Variants in RBFOX1 observed in about 807,000 individuals in gnomAD.
The protein encoded by RBFOX1 is RNA binding protein fox-1 homolog 1.
A neutral mutation model predicts 57.7 loss-of-function variants in RBFOX1; 8 were observed. The ratio of observed to expected loss-of-function variants is 0.14; its 90% CI spans 0.08 to 0.25. The LOEUF is 0.25. Among genes scored for constraint, RBFOX1 ranks in the 10% least tolerant of loss-of-function variants. The pLI is 1.00. For synonymous variants in RBFOX1, 326 were observed against 222.4 expected (o/e 1.47, Z -4.15); for missense variants, 611 against 548.5 (o/e 1.11, Z -1.14).
Position 6,331,669 on chromosome 16 carries a change from A to T in RBFOX1, c.-64+14612A>T, listed in dbSNP as rs370007907. On this transcript the variant is annotated intron_variant, in intron 2 of 15. Transcript: ENST00000550418. The stretch of plus-strand genomic sequence containing the variant: ...TTCTGTTTTCTATTCAGTGTTGCAT[A>T]AATCTCAACCATTTGCTCAATTCTC... 1.8e-4 allele frequency among the ~76,000 whole-genome samples: 27 copies of T among 151,766 alleles called. No individual in the cohort carries two copies. In the East Asian group the frequency reaches 3.5e-3, roughly 20 times the overall value.
chr16:6,388,663 C>G (rs1002774407), intron 2 of RBFOX1, among the ~76,000 whole-genome samples: 13 of 152,078 alleles, frequency 8.5e-5, no homozygotes, highest in African/African-American at 3.1e-4. Flanking sequence ...TTGCTTGAAC[C>G]TAGGAGTTTG....
At chr16:5,731,071 C>G (rs535838774) in intron 3 of RBFOX1, among the ~76,000 whole-genome samples, 1 of 151,780 alleles carries the variant, frequency 6.6e-6, no homozygotes, top group South Asian at 2.1e-4. Flanking sequence ...AATGTAAGCA[C>G]CATCACCATC....
intron 1 of RBFOX1, among the ~76,000 whole-genome samples, chr16:6,034,490 T>G (rs2095338130): frequency 6.6e-6 from 1 of 152,000 alleles, no homozygotes; most frequent in Non-Finnish European, 1.5e-5. Flanking sequence ...AAGATGGTGC[T>G]TCCTGGCTGC....
At chr16:6,434,160 A>C (rs1023024855) in intron 2 of RBFOX1, among the ~76,000 whole-genome samples, 1 of 152,002 alleles carries the variant, frequency 6.6e-6, no homozygotes, top group African/African-American at 2.4e-5. Flanking sequence ...TTCTAAGGGC[A>C]CTTGTGATAA....
chr16:6,913,898 A>T (rs986742696), intron 3 of RBFOX1, among the ~76,000 whole-genome samples: 4 of 152,222 alleles, frequency 2.6e-5, no homozygotes, highest in Non-Finnish European at 5.9e-5. Context: ...CAACTGTGTA[A>T]CTTTTATAAA....
intron 1 of RBFOX1, among the ~76,000 whole-genome samples, chr16:5,315,479 G>T (rs1261169980): frequency 1.3e-5 from 2 of 152,144 alleles, no homozygotes; most frequent in African/African-American, 2.4e-5. Flanking sequence ...GCAGCTCCCG[G>T]GGAACGGGGT....
At chr16:6,710,940 G>T (rs2063603978) in intron 3 of RBFOX1, among the ~76,000 whole-genome samples, 1 of 152,196 alleles carries the variant, frequency 6.6e-6, no homozygotes, top group South Asian at 2.1e-4. Flanking sequence ...GCAAATCCAT[G>T]AAGGCTACAT....
intron 2 of RBFOX1, among the ~76,000 whole-genome samples, chr16:6,340,300 C>T (rs1410608983): frequency 6.6e-6 from 1 of 152,046 alleles, no homozygotes; most frequent in Non-Finnish European, 1.5e-5. Context: ...CACTCATGAC[C>T]TAAATTAGTT....
chr16:5,860,534 G>A (rs140227131), intron 3 of RBFOX1, among the ~76,000 whole-genome samples: 69 of 152,238 alleles, frequency 4.5e-4, no homozygotes, highest in Admixed American at 3.1e-3. Context: ...CTGTGTAGAG[G>A]AGAAGGGGAA....
At chr16:6,185,340 GCT>G (rs2097098343) in intron 1 of RBFOX1, among the ~76,000 whole-genome samples, 1 of 152,026 alleles carries the variant, frequency 6.6e-6, no homozygotes, top group Admixed American at 6.6e-5. Context: ...TTCCAACAAG[GCT>G]TCCCTCCTGC....
At chr16:6,521,883 T>C (rs1333946645) in intron 2 of RBFOX1, among the ~76,000 whole-genome samples, 1 of 152,098 alleles carries the variant, frequency 6.6e-6, no homozygotes, top group Non-Finnish European at 1.5e-5. Flanking sequence ...CACTGGCCCA[T>C]TTTAATCTGT....
chr16:6,230,499 G>A (rs1393932194), intron 1 of RBFOX1, among the ~76,000 whole-genome samples: 1 of 152,130 alleles, frequency 6.6e-6, no homozygotes, highest in East Asian at 1.9e-4. Flanking sequence ...ATTAGTCAGT[G>A]TCTGCTGCAT....
intron 1 of RBFOX1, among the ~76,000 whole-genome samples, chr16:6,149,229 G>A (rs972880700): frequency 3.9e-5 from 6 of 152,344 alleles, no homozygotes; most frequent in South Asian, 2.1e-4. Context: ...GTGCGCGCGC[G>A]TGCGCGGATG....
chr16:7,423,122 AG>A (rs1370522580), intron 4 of RBFOX1: 7 of 148,798 alleles, frequency 4.7e-5, no homozygotes, highest in African/African-American at 1.5e-4. Context: ...AGAGAGAGAG[AG>A]AGAGAGAATA....
At chr16:6,966,097 C>G (rs1367706646) in intron 3 of RBFOX1, among the ~76,000 whole-genome samples, 1 of 152,126 alleles carries the variant, frequency 6.6e-6, no homozygotes, top group Non-Finnish European at 1.5e-5. Flanking sequence ...TCACGGGGTT[C>G]TCAACCATAG....
intron 3 of RBFOX1, among the ~76,000 whole-genome samples, chr16:5,824,192 C>T (rs1019267301): frequency 7.9e-5 from 12 of 152,186 alleles, no homozygotes; most frequent in African/African-American, 1.4e-4. Flanking sequence ...TAATTTTCTC[C>T]GGGCCCAGGA....
Position 5,398,321 on chromosome 16 carries a change from G to C in RBFOX1, c.220-68895G>C, listed in dbSNP as rs575239643. On this transcript the variant is annotated intron_variant, in intron 1 of 2. Transcript: ENST00000585867. ...TATGTGTGTGTGCATGTGTGCTCGT[G>C]TGCATATGTGTTCATGTGTGCAGGT... Among the ~76,000 whole-genome samples the C allele has an allele frequency of 2.9e-4, 44 of 152,144 alleles. 1 individual carries two copies. The South Asian group carries it at 2.9e-3, about 10-fold the overall frequency.
chr16:5,493,905 C>T (rs538507175), intron 2 of RBFOX1, among the ~76,000 whole-genome samples: 1 of 152,176 alleles, frequency 6.6e-6, no homozygotes, highest in African/African-American at 2.4e-5. Flanking sequence ...TCATTTGTAG[C>T]TGTCTCAAAG....
At chr16:6,050,954 T>G (rs770255061) in intron 1 of RBFOX1, among the ~76,000 whole-genome samples, 2 of 149,330 alleles carry the variant, frequency 1.3e-5, no homozygotes, top group Non-Finnish European at 3.0e-5. Flanking sequence ...GCAGAAGTCA[T>G]TTTGACATGA....
Sources: gnomAD v4.1 joint callset for allele counts (sites outside exome capture counted in the v4.1 genomes callset) on GRCh38, gnomAD v4.1.1 for gene constraint, MANE v1.5 for transcripts, NCBI Gene and HGNC (gene_info 2026-07-23, HGNC 2026-07-21) for gene names.